Variants in VAPA observed in about 807,000 individuals in gnomAD.
The protein encoded by VAPA is VAMP associated protein A, also known as vesicle-associated membrane protein-associated protein A.
Under a neutral mutation model 25.6 loss-of-function variants are expected in VAPA, and 6 were observed. The ratio of observed to expected loss-of-function variants is 0.23; its 90% confidence interval spans 0.13 to 0.46. The LOEUF (loss-of-function observed/expected upper bound fraction) is 0.46. VAPA is among the 20% of genes least tolerant of loss of function. The pLI is 0.99. For missense variants in VAPA, 244 were observed against 302.1 expected (o/e 0.81, Z 1.43); for synonymous variants, 112 against 106.2 (o/e 1.05, Z -0.34).
intron 2 of VAPA, 111 bp downstream of exon 2, chr18:9,932,073 C>T: frequency 1.3e-6 from 1 of 786,908 alleles, no homozygotes; most frequent in Non-Finnish European, 1.9e-6. Flanking sequence ...TTATATTATT[C>T]TGGTTTTGCC....
chr18:9,950,875 A>G, intron 5 of VAPA: 2 of 305,746 alleles, frequency 6.5e-6, no homozygotes, highest in Non-Finnish European at 6.2e-6. Flanking sequence ...ACTGCCTAGG[A>G]TTGTGTTGTC....
At chr18:9,930,576 T>TG (rs1381314180) in intron 1 of VAPA, among the ~76,000 whole-genome samples, 1 of 152,084 alleles carries the variant, frequency 6.6e-6, no homozygotes, top group African/African-American at 2.4e-5. Flanking sequence ...AAAAAGATAA[T>TG]GGAAGCTCTT....
intron 4 of VAPA, among the ~76,000 whole-genome samples, chr18:9,946,632 A>G (rs1004389233): frequency 5.3e-5 from 8 of 151,962 alleles, no homozygotes; most frequent in Non-Finnish European, 8.8e-5. Context: ...GGCATAAGAG[A>G]TAAAATTGTA....
chr18:9,915,521 A>C (rs2069105444), intron 1 of VAPA, among the ~76,000 whole-genome samples: 1 of 152,208 alleles, frequency 6.6e-6, no homozygotes, highest in South Asian at 2.1e-4. Flanking sequence ...TCTTTAGTTA[A>C]GTGTAAAGTG....
Position 9,958,092 on chromosome 18 carries a change from T to C in VAPA, c.*3881T>C, listed in dbSNP as rs2069568997. On this transcript the variant is annotated 3_prime_UTR_variant, in exon 6 of 6. Coordinates refer to ENST00000400000, the MANE Select transcript of VAPA (RefSeq NM_194434.3). ...AATATAAAAAATTCCAAATTCTGCC[T>C]TTCAGCAGCATCAATTGCTAGGAAC... 6.6e-6 allele frequency: 1 copy of C among 152,268 alleles called. No individual in the cohort carries two copies. The highest frequency in any genetic ancestry group is 1.5e-5 in the Non-Finnish European group (1 of 68,046). The allele number at this position is 152,268 out of a possible 1,614,324, so 9.4% of individuals were successfully genotyped here. A position where few individuals can be genotyped will look rare whatever the true frequency, so the allele number is the denominator to read the frequency against.
chr18:9,914,457 C>T, intron 1 of VAPA, 122 bp downstream of exon 1: 2 of 815,236 alleles, frequency 2.5e-6, no homozygotes, highest in South Asian at 2.8e-5. Flanking sequence ...CCCCACGCCC[C>T]GGCGCCTTCC....
chr18:9,942,785 T>C (rs767016912), intron 4 of VAPA, among the ~76,000 whole-genome samples: 1 of 152,110 alleles, frequency 6.6e-6, no homozygotes, highest in Non-Finnish European at 1.5e-5. Flanking sequence ...TGAGAACTCT[T>C]ATCATGGGAA....
In VAPA at chr18:9,945,054, A is replaced by T. The variant is rs776556870; in HGVS notation, c.418-5341A>T. ...CTCAGTGTGTTGAAACAGGAGAAAC[A>T]GAAGGTTTGTTATAGGGAGTTAACA... On this transcript the variant is annotated intron_variant, in intron 4 of 5. Transcript: ENST00000400000. The T allele has an allele frequency of 1.1e-5, 17 of 1,613,838 alleles. No homozygotes were observed. In the Admixed American group the frequency reaches 2.7e-4, roughly 25 times the overall value.
At chr18:9,950,299 T>G in intron 4 of VAPA, 96 bp from the exon 5 acceptor site, 1 of 1,393,932 alleles carries the variant, frequency 7.2e-7, no homozygotes, top group Non-Finnish European at 9.8e-7. Context: ...TAAAGAGTTT[T>G]TCATGAACAA....
chr18:9,951,564 G>A (rs911211865), intron 5 of VAPA, among the ~76,000 whole-genome samples: 1 of 152,212 alleles, frequency 6.6e-6, no homozygotes, highest in African/African-American at 2.4e-5. Flanking sequence ...GATGGCGAAG[G>A]AGGACTGATT....
chr18:9,930,677 T>C (rs569191517), intron 1 of VAPA, among the ~76,000 whole-genome samples: 1 of 151,312 alleles, frequency 6.6e-6, no homozygotes, highest in Admixed American at 6.6e-5. Flanking sequence ...GATCATACTT[T>C]GTCATATGTA....
chr18:9,916,759 C>T (rs1294350254), intron 1 of VAPA, among the ~76,000 whole-genome samples: 1 of 152,204 alleles, frequency 6.6e-6, no homozygotes, highest in Admixed American at 6.5e-5. Flanking sequence ...CTGACTTACC[C>T]TAAGTCATTC....
intron 1 of VAPA, among the ~76,000 whole-genome samples, chr18:9,919,710 G>A (rs540431776): frequency 1.3e-5 from 2 of 152,300 alleles, no homozygotes; most frequent in East Asian, 3.9e-4. Flanking sequence ...TAGTCAAGAT[G>A]AATGTAGTGC....
In VAPA at chr18:9,958,673, AT is replaced by A. The variant is rs2069575915; in HGVS notation, c.*4465del. On this transcript the variant is annotated 3_prime_UTR_variant, in exon 6 of 6. Transcript: ENST00000400000. The stretch of plus-strand genomic sequence containing the variant: ...AATGCCAAAGGCAGATATGAAGTAG[AT>A]TTAATTAAGACTTGACTTCAGCAAT... 13 of 152,154 alleles carry A rather than the reference AT, an allele frequency of 8.5e-5. No individual in the cohort carries two copies. Among genetic ancestry groups the A allele is most frequent in the African/African-American group, 3.1e-4 (13 of 41,430 alleles). The allele number at this position is 152,154 out of a possible 1,614,324, so 9.4% of individuals were successfully genotyped here. A position where few individuals can be genotyped will look rare whatever the true frequency, so the allele number is the denominator to read the frequency against.
Position 9,955,919 on chromosome 18 carries a change from C to T in VAPA, c.*1708C>T, listed in dbSNP as rs1291824265. ...ATCCCCCTCTCCCCTTTTCTGGTAA[C>T]TGGAAAAGCATGCTAAAAATAGTCT... On this transcript the variant is annotated 3_prime_UTR_variant, in exon 6 of 6. Transcript: ENST00000400000. The T allele has an allele frequency of 6.6e-6, 1 of 152,140 alleles. No individual in the cohort carries two copies. The highest frequency in any genetic ancestry group is 1.5e-5 in the Non-Finnish European group (1 of 68,014). 9.4% of individuals were successfully genotyped at this position (152,140 alleles called of 1,614,324 possible).
chr18:9,950,632 A>C, intron 5 of VAPA, 64 bp downstream of exon 5: 1 of 1,536,780 alleles, frequency 6.5e-7, no homozygotes, highest in Non-Finnish European at 8.8e-7. Flanking sequence ...GAGTGTTATT[A>C]GGCCATTTTA....
chr18:9,932,981 G>C (rs990622867), intron 2 of VAPA, among the ~76,000 whole-genome samples: 2 of 152,092 alleles, frequency 1.3e-5, no homozygotes. Context: ...GGTGGTGGGC[G>C]CCTGTAGTCC....
intron 5 of VAPA, among the ~76,000 whole-genome samples, chr18:9,951,880 A>G (rs1271731257): frequency 6.6e-6 from 1 of 152,192 alleles, no homozygotes; most frequent in Admixed American, 6.5e-5. Flanking sequence ...GATGTTTCAT[A>G]GTACCCCCTC....
intron 1 of VAPA, among the ~76,000 whole-genome samples, chr18:9,922,474 A>C (rs1377588364): frequency 2.0e-5 from 3 of 152,192 alleles, no homozygotes; most frequent in African/African-American, 7.2e-5. Context: ...AGAGTTTATT[A>C]ATGAGCAATC....
Sources: gnomAD v4.1 joint callset for allele counts (sites outside exome capture counted in the v4.1 genomes callset) on GRCh38, gnomAD v4.1.1 for gene constraint, MANE v1.5 for transcripts, NCBI Gene and HGNC (gene_info 2026-07-23, HGNC 2026-07-21) for gene names.